CASR: variants seen among roughly 807,000 people sequenced by gnomAD.
CASR encodes the protein extracellular calcium-sensing receptor.
CASR carries 23 observed loss-of-function variants against 69.1 expected under a neutral mutation model. The ratio of observed to expected loss-of-function variants is 0.33; its 90% CI spans 0.24 to 0.47. The LOEUF (loss-of-function observed/expected upper bound fraction) is 0.47, where lower values mean the gene tolerates loss of function less well. Among genes scored for constraint, CASR ranks in the 20% least tolerant of loss-of-function variants. The pLI, the probability that CASR is intolerant of heterozygous loss-of-function variation, is 1.00. For missense variants in CASR, 924 were observed against 1,356.1 expected (o/e 0.68, Z 5.00); for synonymous variants, 541 against 544.7 (o/e 0.99, Z 0.10).
intron 1 of CASR, among the ~76,000 whole-genome samples, chr3:122,190,598 G>A (rs570679706): frequency 4.6e-5 from 7 of 152,280 alleles, no homozygotes; most frequent in East Asian, 1.9e-4. Flanking sequence ...GCTAATACAC[G>A]TTGTTAAAGC....
In CASR at chr3:122,195,228, CT is replaced by C. The variant is rs566356666; in HGVS notation, c.-243+11417del. On this transcript the variant is annotated intron_variant, in intron 1 of 6. Coordinates refer to ENST00000639785, the MANE Select transcript of CASR (RefSeq NM_000388.4). The stretch of plus-strand genomic sequence containing the variant: ...TCCTTGTAACAGGGCTACAGAGCAG[CT>C]GGGCCTCCCAGCAAAAGGGTGAGAT... 4.8e-3 allele frequency among the ~76,000 whole-genome samples: 726 copies of C among 152,316 alleles called. 4 individuals carry two copies. Among genetic ancestry groups the C allele is most frequent in the African/African-American group, 0.017 (699 of 41,570 alleles).
chr3:122,261,632 C>T lies in CASR; in HGVS notation c.597C>T (p.Asp199=), dbSNP rs1475085688. The change falls in exon 4 of 7, where the codon GAC becomes GAT. Residue 199 remains aspartate (D), a synonymous_variant. Coordinates refer to ENST00000639785, the MANE Select transcript of CASR (RefSeq NM_000388.4). ...AGCACCAGGCCACTGCCATGGCAGACATCATCGAGTATTTCCGCTGGAACT... is the reference window on the plus strand; with the variant it reads ...AGCACCAGGCCACTGCCATGGCAGATATCATCGAGTATTTCCGCTGGAACT... ...NDEHQATAMA[D]IIEYFRWNWV... 6.2e-6 allele frequency: 10 copies of T among 1,614,210 alleles called. No individual in the cohort carries two copies. The highest frequency in any genetic ancestry group is 8.5e-6 in the Non-Finnish European group (10 of 1,180,006).
intron 1 of CASR, among the ~76,000 whole-genome samples, chr3:122,188,221 G>A (rs1329367659): frequency 6.6e-6 from 1 of 152,210 alleles, no homozygotes; most frequent in South Asian, 2.1e-4. Context: ...TAATGGTAAT[G>A]ATGGCCTGAA....
chr3:122,211,555 A>T (rs960493152), intron 1 of CASR, among the ~76,000 whole-genome samples: 7 of 152,170 alleles, frequency 4.6e-5, no homozygotes, highest in African/African-American at 1.7e-4. Flanking sequence ...TAAAAATAAA[A>T]AAACTAGCTG....
chr3:122,198,425 T>C (rs903673001), intron 1 of CASR, among the ~76,000 whole-genome samples: 14 of 152,182 alleles, frequency 9.2e-5, no homozygotes, highest in Admixed American at 9.2e-4. Flanking sequence ...TTTGTGATAA[T>C]ATGTATGTAT....
chr3:122,290,917 C>T lies in CASR; in HGVS notation c.*5726C>T, dbSNP rs553580115. On this transcript the variant is annotated 3_prime_UTR_variant, in exon 7 of 7. Transcript: ENST00000639785. ...ACAATAGGCCCTGGTGTGTGATGTTCCCCTTCCTGTGTCCATGTGATCTCA... is the reference window on the plus strand; with the variant it reads ...ACAATAGGCCCTGGTGTGTGATGTTTCCCTTCCTGTGTCCATGTGATCTCA... 1 of 135,814 alleles carries T rather than the reference C, an allele frequency of 7.4e-6. No individual in the cohort carries two copies. Among genetic ancestry groups the T allele is most frequent in the Non-Finnish European group, 1.5e-5 (1 of 65,304 alleles). The allele number at this position is 135,814 out of a possible 1,614,324, so 8.4% of individuals were successfully genotyped here. A position where few individuals can be genotyped will look rare whatever the true frequency, so the allele number is the denominator to read the frequency against.
intron 1 of CASR, among the ~76,000 whole-genome samples, chr3:122,236,626 A>C (rs35041734): frequency 6.6e-6 from 1 of 152,346 alleles, no homozygotes; most frequent in African/African-American, 2.4e-5. Flanking sequence ...AGAAGGCCAG[A>C]ATATGGACAT....
intron 1 of CASR, among the ~76,000 whole-genome samples, chr3:122,251,839 ATAT>A (rs1046376036): frequency 4.6e-5 from 7 of 152,278 alleles, no homozygotes; most frequent in African/African-American, 1.7e-4. Context: ...GCCCAAAGTC[ATAT>A]TAGAAAGTAG....
At chr3:122,204,489 A>G (rs549134525) in intron 1 of CASR, among the ~76,000 whole-genome samples, 2 of 152,272 alleles carry the variant, frequency 1.3e-5, no homozygotes, top group Admixed American at 1.3e-4. Flanking sequence ...GTTGATGGGC[A>G]CTTCAGGTTG....
At chr3:122,196,479 TTTAC>T (rs2073892149) in intron 1 of CASR, among the ~76,000 whole-genome samples, 1 of 152,090 alleles carries the variant, frequency 6.6e-6, no homozygotes, top group African/African-American at 2.4e-5. Flanking sequence ...TTAGTTGACA[TTTAC>T]TTTTTTTTAA....
intron 1 of CASR, among the ~76,000 whole-genome samples, chr3:122,200,750 G>A (rs1182063534): frequency 6.6e-6 from 1 of 152,080 alleles, no homozygotes; most frequent in Non-Finnish European, 1.5e-5. Flanking sequence ...ATTATACCTA[G>A]GAGTAAAAAA....
chr3:122,234,937 C>T (rs2074315194), intron 1 of CASR, among the ~76,000 whole-genome samples: 1 of 152,180 alleles, frequency 6.6e-6, no homozygotes, highest in African/African-American at 2.4e-5. Flanking sequence ...CCGAAGAAGG[C>T]AGAGAGACAC....
intron 1 of CASR, among the ~76,000 whole-genome samples, chr3:122,229,051 C>T (rs1000342365): frequency 1.3e-5 from 2 of 152,184 alleles, no homozygotes; most frequent in Non-Finnish European, 2.9e-5. Flanking sequence ...AGTTGATTTA[C>T]ATAGCCTTGC....
chr3:122,281,593 T>G (rs780948644), intron 5 of CASR, among the ~76,000 whole-genome samples: 16 of 152,248 alleles, frequency 1.1e-4, no homozygotes, highest in Admixed American at 6.5e-4. Context: ...GTGTTGGATT[T>G]CATCAAATGC....
intron 3 of CASR, chr3:122,257,651 CA>C: frequency 2.6e-6 from 1 of 381,098 alleles, no homozygotes; most frequent in Non-Finnish European, 4.7e-6. Context: ...AAGAGGCATT[CA>C]GTTATTTATT....
At chr3:122,235,628 T>TC (rs2074321913) in intron 1 of CASR, among the ~76,000 whole-genome samples, 1 of 152,152 alleles carries the variant, frequency 6.6e-6, no homozygotes, top group South Asian at 2.1e-4. Context: ...AGGTCCTGTC[T>TC]CTACAAAATT....
intron 3 of CASR, among the ~76,000 whole-genome samples, chr3:122,261,280 G>T (rs771224082): frequency 1.3e-5 from 2 of 152,232 alleles, no homozygotes; most frequent in Non-Finnish European, 2.9e-5. Flanking sequence ...AGTTAGCATT[G>T]TGAAGAATCA....
At chr3:122,278,648 G>T (rs1000430990) in intron 5 of CASR, among the ~76,000 whole-genome samples, 2 of 152,192 alleles carry the variant, frequency 1.3e-5, no homozygotes, top group Non-Finnish European at 2.9e-5. Context: ...GTGGTGATAG[G>T]ATTTCTCTTT....
intron 1 of CASR, among the ~76,000 whole-genome samples, chr3:122,204,588 T>C (rs2073987945): frequency 6.6e-6 from 1 of 152,104 alleles, no homozygotes. Flanking sequence ...TAGATATCTG[T>C]CCAGTAGTGG....
Sources: gnomAD v4.1 joint callset for allele counts (sites outside exome capture counted in the v4.1 genomes callset) on GRCh38, gnomAD v4.1.1 for gene constraint, MANE v1.5 for transcripts, NCBI Gene and HGNC (gene_info 2026-07-23, HGNC 2026-07-21) for gene names.